Variants in BPNT2 observed in about 807,000 individuals in gnomAD.
BPNT2 encodes Golgi-resident adenosine 3',5'-bisphosphate 3'-phosphatase.
Under a neutral mutation model 29.3 loss-of-function variants are expected in BPNT2, and 11 were observed. The observed-to-expected ratio is 0.38, with a 90% confidence interval of 0.24 to 0.62. The LOEUF (loss-of-function observed/expected upper bound fraction) is 0.62. BPNT2 is among the 20% of genes least tolerant of loss of function. The pLI is 0.62. For synonymous variants in BPNT2, 195 were observed against 187.7 expected (o/e 1.04, Z -0.32); for missense variants, 459 against 473.4 (o/e 0.97, Z 0.28).
At chr8:56,980,841 CACACACACACAA>C (rs1272905665) in intron 1 of BPNT2, among the ~76,000 whole-genome samples, 2 of 150,678 alleles carry the variant, frequency 1.3e-5, no homozygotes, top group African/African-American at 2.4e-5. Flanking sequence ...CACACACACA[CACACACACACAA>C]ACCCCCCTTA....
At chr8:56,964,298 A>T (rs2129203291) in intron 4 of BPNT2, 2 of 360,224 alleles carry the variant, frequency 5.6e-6, no homozygotes, top group East Asian at 5.9e-5. Flanking sequence ...GTTTATTTTT[A>T]TTTATTTATT....
At position 56,959,190 on chromosome 8, in the gene BPNT2, T is replaced by C. The variant is rs545488102; in HGVS notation, c.*4603A>G. Reference sequence around the variant, plus strand: ...TCATTTCAATATTATTCATCATCCTTAACTTCTGAAAGTTTGGTTTATGTT... The same window carrying C: ...TCATTTCAATATTATTCATCATCCTCAACTTCTGAAAGTTTGGTTTATGTT... On this transcript the variant is annotated 3_prime_UTR_variant, in exon 5 of 5. Coordinates refer to ENST00000262644, the MANE Select transcript of BPNT2 (RefSeq NM_017813.5). The C allele has an allele frequency of 7.2e-5, 11 of 152,346 alleles. No individual in the cohort carries two copies. Among genetic ancestry groups the C allele is most frequent in the African/African-American group, 2.6e-4 (11 of 41,586 alleles). The allele number at this position is 152,346 out of a possible 1,614,324, so 9.4% of individuals were successfully genotyped here.
At position 56,981,800 on chromosome 8, in the gene BPNT2, C is replaced by A. The variant is rs541270624; in HGVS notation, c.388-1603G>T. Among the ~76,000 whole-genome samples the A allele has an allele frequency of 7.5e-4, 114 of 152,284 alleles. 1 individual carries two copies. The highest frequency in any genetic ancestry group is 2.6e-3 in the African/African-American group (107 of 41,560). On this transcript the variant is annotated intron_variant, in intron 1 of 4. Transcript: ENST00000262644. ...TTTTGATTTTAGTTAGGGACTTACA[C>A]TCTCAGCAGGACAGGCTGTTGGGTC...
At chr8:56,974,773 A>C (rs1806105055) in intron 3 of BPNT2, among the ~76,000 whole-genome samples, 1 of 152,162 alleles carries the variant, frequency 6.6e-6, no homozygotes, top group African/African-American at 2.4e-5. Context: ...CTTTTTGCTA[A>C]GTTAGGGACA....
chr8:56,976,452 A>C (rs963512736), intron 3 of BPNT2, among the ~76,000 whole-genome samples: 1 of 152,362 alleles, frequency 6.6e-6, no homozygotes, highest in Non-Finnish European at 1.5e-5. Flanking sequence ...AAGGTAATCC[A>C]TAAGCCATAA....
chr8:56,980,574 AC>A (rs1806221955), intron 1 of BPNT2, among the ~76,000 whole-genome samples: 1 of 152,106 alleles, frequency 6.6e-6, no homozygotes, highest in South Asian at 2.1e-4. Flanking sequence ...AACACAAGCA[AC>A]TAGAGTTAGA....
chr8:56,989,471 C>T (rs542525369), intron 1 of BPNT2, among the ~76,000 whole-genome samples: 1 of 151,846 alleles, frequency 6.6e-6, no homozygotes, highest in Non-Finnish European at 1.5e-5. Context: ...TAGTACTTAA[C>T]CTCCTTTGTT....
chr8:56,973,813 C>T (rs958625100), intron 3 of BPNT2, among the ~76,000 whole-genome samples: 3 of 152,132 alleles, frequency 2.0e-5, no homozygotes, highest in East Asian at 1.9e-4. Context: ...GACCATTTTA[C>T]GATACAGTCA....
chr8:56,990,848 G>C (rs1274431650), intron 1 of BPNT2, among the ~76,000 whole-genome samples: 2 of 152,150 alleles, frequency 1.3e-5, no homozygotes, highest in South Asian at 2.1e-4. Context: ...CGAAAGCTCA[G>C]ACTTCAGACT....
At chr8:56,991,803 A>G (rs1205071463) in intron 1 of BPNT2, among the ~76,000 whole-genome samples, 1 of 152,198 alleles carries the variant, frequency 6.6e-6, no homozygotes, top group African/African-American at 2.4e-5. Context: ...TCCTCTATAA[A>G]TTCTTGGGGA....
In BPNT2 at chr8:56,958,574, CATT is replaced by C. The variant is rs1442160677; in HGVS notation, c.*5216_*5218del. 3 of 152,152 alleles carry C rather than the reference CATT, an allele frequency of 2.0e-5. No individual in the cohort carries two copies. The highest frequency in any genetic ancestry group is 4.8e-5 in the African/African-American group (2 of 41,430). The allele number at this position is 152,152 out of a possible 1,614,324, so 9.4% of individuals were successfully genotyped here. ...ATTCAAAGGTATTTTTATTTTATCTCATTGTTAGCCCAGTATAAGGCAGGATGA... is the reference window on the plus strand; with the variant it reads ...ATTCAAAGGTATTTTTATTTTATCTCGTTAGCCCAGTATAAGGCAGGATGA... On this transcript the variant is annotated 3_prime_UTR_variant, in exon 5 of 5. Coordinates refer to ENST00000262644, the MANE Select transcript of BPNT2 (RefSeq NM_017813.5).
rs185639004 is a variant in BPNT2, at chr8:56,987,674, T to C, written c.387+5525A>G. Among the ~76,000 whole-genome samples, 345 of 152,220 alleles carry C rather than the reference T, an allele frequency of 2.3e-3. 1 individual carries two copies. Among genetic ancestry groups the C allele is most frequent in the South Asian group, 7.9e-3 (38 of 4,818 alleles). On this transcript the variant is annotated intron_variant, in intron 1 of 4. Transcript: ENST00000262644. ...CCAATTCCTTATAATAAATCTCTAT[T>C]GGTTCTCTTTCTCTGGAGAACCCTG...
chr8:56,982,439 A>T (rs573420011), intron 1 of BPNT2, among the ~76,000 whole-genome samples: 1 of 152,152 alleles, frequency 6.6e-6, no homozygotes. Context: ...AATATTTCTC[A>T]GTACAGAGCA....
intron 1 of BPNT2, among the ~76,000 whole-genome samples, chr8:56,981,900 C>T (rs549885369): frequency 7.2e-5 from 11 of 152,226 alleles, no homozygotes; most frequent in African/African-American, 1.9e-4. Flanking sequence ...CTAGACCCCA[C>T]GCTACAGTGC....
intron 3 of BPNT2, among the ~76,000 whole-genome samples, chr8:56,970,432 A>G (rs1806011684): frequency 6.6e-6 from 1 of 152,194 alleles, no homozygotes; most frequent in South Asian, 2.1e-4. Flanking sequence ...CAAAAGACAG[A>G]CCATTCTAAA....
Position 56,993,650 on chromosome 8 carries a change from C to CGCCGCA in BPNT2, c.-71_-66dup. 10 of 1,185,582 alleles carry CGCCGCA rather than the reference C, an allele frequency of 8.4e-6. No individual in the cohort carries two copies. The highest frequency in any genetic ancestry group is 1.0e-5 in the Non-Finnish European group (10 of 960,612). The allele number at this position is 1,185,582 out of a possible 1,614,324, so 73.4% of individuals were successfully genotyped here. A position where few individuals can be genotyped will look rare whatever the true frequency, so the allele number is the denominator to read the frequency against. ...GGCCTCCAGCGCCCGCCGCCGCCGC[C>CGCCGCA]GCCGCAGCCGCCGCGCTCCGGGCCA... On this transcript the variant is annotated 5_prime_UTR_variant, in exon 1 of 5. Transcript: ENST00000262644.
At position 56,963,652 on chromosome 8, in the gene BPNT2, A is replaced by G; in HGVS notation, c.*141T>C. 1.1e-6 allele frequency: 1 copy of G among 872,028 alleles called. No individual in the cohort carries two copies. The highest frequency in any genetic ancestry group is 2.4e-5 in the East Asian group (1 of 41,056). The allele number at this position is 872,028 out of a possible 1,614,324, so 54.0% of individuals were successfully genotyped here. A position where few individuals can be genotyped will look rare whatever the true frequency, so the allele number is the denominator to read the frequency against. On this transcript the variant is annotated 3_prime_UTR_variant, in exon 5 of 5. Transcript: ENST00000262644. ...TTTTGCATTCTATTACAGGGAAAATAAGTCTCTGATGCTTCATAAATACTT... is the reference window on the plus strand; with the variant it reads ...TTTTGCATTCTATTACAGGGAAAATGAGTCTCTGATGCTTCATAAATACTT...
In BPNT2 at chr8:56,959,408, A is replaced by G. The variant is rs1805790436; in HGVS notation, c.*4385T>C. 1 of 152,234 alleles carries G rather than the reference A, an allele frequency of 6.6e-6. No individual in the cohort carries two copies. The highest frequency in any genetic ancestry group is 1.9e-4 in the East Asian group (1 of 5,196). 9.4% of individuals were successfully genotyped at this position (152,234 alleles called of 1,614,324 possible). On this transcript the variant is annotated 3_prime_UTR_variant, in exon 5 of 5. Transcript: ENST00000262644. ...AAACCAAAACCTCCTTTTGAAGTAT[A>G]AAGTTCCATTCTTCTTGCCCTCTCA...
Position 56,993,866 on chromosome 8 carries a change from G to C in BPNT2, c.-281C>G. ...TTCCACGTTAGCCTACGGCCGCGAG[G>C]TGAAAGGGGAGCGTGGGTGTGTATC... On this transcript the variant is annotated 5_prime_UTR_variant, in exon 1 of 5. Coordinates refer to ENST00000262644, the MANE Select transcript of BPNT2 (RefSeq NM_017813.5). 5.4e-6 allele frequency: 1 copy of C among 186,410 alleles called. No individual in the cohort carries two copies. Among genetic ancestry groups the C allele is most frequent in the Non-Finnish European group, 1.0e-5 (1 of 98,890 alleles). The allele number at this position is 186,410 out of a possible 1,614,324, so 11.5% of individuals were successfully genotyped here. A position where few individuals can be genotyped will look rare whatever the true frequency, so the allele number is the denominator to read the frequency against.
Sources: allele counts gnomAD v4.1 joint callset (sites outside exome capture counted in the v4.1 genomes callset), GRCh38; gene constraint gnomAD v4.1.1; transcripts MANE v1.5; gene names NCBI Gene and HGNC (gene_info 2026-07-23, HGNC 2026-07-21).